Variants in KATNIP observed in about 807,000 individuals in gnomAD.
The protein encoded by KATNIP is katanin interacting protein, also known as katanin-interacting protein.
A neutral mutation model predicts 174.0 loss-of-function variants in KATNIP; 126 were observed. That is an observed-to-expected ratio of 0.72 (90% CI 0.63 to 0.84). KATNIP has a LOEUF of 0.84. KATNIP is among the 40% of genes least tolerant of loss of function. KATNIP has a pLI of 0.00. For missense variants in KATNIP, 1,958 were observed against 2,109.7 expected (o/e 0.93, Z 1.41); for synonymous variants, 810 against 835.7 (o/e 0.97, Z 0.53).
intron 13 of KATNIP, among the ~76,000 whole-genome samples, chr16:27,711,747 C>T (rs1375452028): frequency 1.3e-5 from 2 of 152,210 alleles, no homozygotes; most frequent in Non-Finnish European, 2.9e-5. Context: ...GCCACTCAAA[C>T]GGCGGGCTGG....
rs770407666 is a variant in KATNIP at position 27,777,069 on chromosome 16, T to C, written c.4551+40T>C. 10 of 1,301,092 alleles carry C rather than the reference T, an allele frequency of 7.7e-6. No homozygotes were observed. Among genetic ancestry groups the C allele is most frequent in the Non-Finnish European group, 1.0e-5 (9 of 898,386 alleles). The allele number at this position is 1,301,092 out of a possible 1,614,324, so 80.6% of individuals were successfully genotyped here. ...GCTGAGTTTTTTGAGATAATTATGC[T>C]CGTTGGTAATTAGGCCGCCGGCAAT... is the stretch of plus-strand genomic sequence containing the variant. On this transcript the variant is annotated intron_variant, in intron 25 of 27. Transcript: ENST00000261588. This position sits in a 1 kb window ranked among gnomAD's most constrained non-coding sequence, Gnocchi z 4.4.
At chr16:27,702,983 A>G (rs929495649) in intron 11 of KATNIP, among the ~76,000 whole-genome samples, 8 of 152,154 alleles carry the variant, frequency 5.3e-5, no homozygotes, top group African/African-American at 1.9e-4. Flanking sequence ...CCTGGCCAAC[A>G]TGGCGAAAAC....
chr16:27,689,458 C>T (rs975997194), intron 8 of KATNIP, among the ~76,000 whole-genome samples: 4 of 151,822 alleles, frequency 2.6e-5, no homozygotes, highest in Non-Finnish European at 5.9e-5. Context: ...ACAGATTCTA[C>T]GGAGGCAGTG....
chr16:27,713,833 T>A (rs1452620817), intron 13 of KATNIP, among the ~76,000 whole-genome samples: 1 of 74,776 alleles, frequency 1.3e-5, no homozygotes, highest in Admixed American at 1.4e-4. Flanking sequence ...TATATATATA[T>A]ATATATATAT....
In KATNIP at chr16:27,678,012, T is replaced by G; in HGVS notation, c.808+16T>G. 6.2e-7 allele frequency: 1 copy of G among 1,608,172 alleles called. No homozygotes were observed. The highest frequency in any genetic ancestry group is 1.1e-5 in the South Asian group (1 of 90,888). ...GCTTCCAAAAGTGAGCTCTGTCTTG[T>G]ATATCATTTCTTTGCCATTGGTGTC... On this transcript the variant is annotated intron_variant, in intron 7 of 27. Transcript: ENST00000261588.
chr16:27,580,449 C>T (rs2090653811), intron 2 of KATNIP, among the ~76,000 whole-genome samples: 1 of 152,236 alleles, frequency 6.6e-6, no homozygotes, highest in Non-Finnish European at 1.5e-5. Context: ...AGCTCTTCCT[C>T]CTCTATAAGC....
chr16:27,700,904 C>T (rs1204182105), intron 10 of KATNIP, among the ~76,000 whole-genome samples: 6 of 152,178 alleles, frequency 3.9e-5, no homozygotes, highest in African/African-American at 1.4e-4. Context: ...TTCTGACAGG[C>T]CTGCAGTAAC....
intron 2 of KATNIP, among the ~76,000 whole-genome samples, chr16:27,595,016 G>T (rs2075293097): frequency 6.6e-6 from 1 of 152,222 alleles, no homozygotes; most frequent in Non-Finnish European, 1.5e-5. Flanking sequence ...GAAGGGGACT[G>T]GCCAGGGTTT....
At chr16:27,732,701 C>G (rs1330536416) in intron 14 of KATNIP, among the ~76,000 whole-genome samples, 3 of 152,204 alleles carry the variant, frequency 2.0e-5, no homozygotes, top group South Asian at 2.1e-4. Flanking sequence ...TGGGTGACAG[C>G]ACCTCACTCC....
intron 14 of KATNIP, among the ~76,000 whole-genome samples, chr16:27,736,258 C>T (rs1252801417): frequency 6.6e-6 from 1 of 152,188 alleles, no homozygotes; most frequent in Non-Finnish European, 1.5e-5. Context: ...CCACCTCGGC[C>T]TACCAAAGTG....
At chr16:27,725,963 CAT>C (rs2080432784) in intron 14 of KATNIP, among the ~76,000 whole-genome samples, 1 of 152,136 alleles carries the variant, frequency 6.6e-6, no homozygotes, top group African/African-American at 2.4e-5. Context: ...TGTGACATGT[CAT>C]GTGGTCTAGG....
chr16:27,669,026 A>C (rs1293998807), intron 6 of KATNIP, among the ~76,000 whole-genome samples: 1 of 152,156 alleles, frequency 6.6e-6, no homozygotes, highest in Non-Finnish European at 1.5e-5. Flanking sequence ...AAGAAAAAGA[A>C]ATGAGATAAG....
At chr16:27,564,144 CA>C (rs1371686360) in intron 1 of KATNIP, among the ~76,000 whole-genome samples, 1 of 152,130 alleles carries the variant, frequency 6.6e-6, no homozygotes, top group Non-Finnish European at 1.5e-5. Flanking sequence ...GAGCAGGTTC[CA>C]GATCTATTTG....
intron 1 of KATNIP, among the ~76,000 whole-genome samples, chr16:27,571,983 T>TG (rs1003115818): frequency 2.6e-5 from 4 of 151,900 alleles, no homozygotes; most frequent in Non-Finnish European, 5.9e-5. Context: ...CCCTAAATCC[T>TG]GGGGGTGTGT....
chr16:27,748,430 T>A (rs975651259), intron 15 of KATNIP, among the ~76,000 whole-genome samples: 1 of 150,896 alleles, frequency 6.6e-6, no homozygotes. Context: ...ACCAAAAAAA[T>A]AAAAATAAAA....
intron 8 of KATNIP, among the ~76,000 whole-genome samples, chr16:27,682,683 G>A (rs193036496): frequency 3.2e-4 from 49 of 152,294 alleles, no homozygotes; most frequent in Admixed American, 1.1e-3. Flanking sequence ...GTGATGGGGG[G>A]CCATGGCTTA....
intron 12 of KATNIP, chr16:27,708,498 C>T (rs1373284364): frequency 4.0e-6 from 2 of 497,172 alleles, no homozygotes; most frequent in South Asian, 3.8e-5. Flanking sequence ...TACACAGGGC[C>T]TCTATTTTGA....
chr16:27,728,288 G>A (rs1400682070), intron 14 of KATNIP, among the ~76,000 whole-genome samples: 1 of 152,242 alleles, frequency 6.6e-6, no homozygotes, highest in East Asian at 1.9e-4. Context: ...CGTTGGGTGG[G>A]ATGCAGTGAG....
At chr16:27,683,549 G>A (rs1320147609) in intron 8 of KATNIP, among the ~76,000 whole-genome samples, 3 of 152,136 alleles carry the variant, frequency 2.0e-5, no homozygotes, top group Non-Finnish European at 4.4e-5. Flanking sequence ...AGCCAATAGC[G>A]TCACAGAGTT....
Sources: gnomAD v4.1 joint callset for allele counts (sites outside exome capture counted in the v4.1 genomes callset) on GRCh38, gnomAD v4.1.1 for gene constraint, Gnocchi (gnomAD v3.1) non-coding constraint, MANE v1.5 for transcripts, NCBI Gene and HGNC (gene_info 2026-07-23, HGNC 2026-07-21) for gene names.